Variants in APBB2 observed in about 807,000 individuals in gnomAD.
APBB2 encodes amyloid beta precursor protein binding family B member 2.
Under a neutral mutation model 82.5 loss-of-function variants are expected in APBB2, and 38 were observed. The observed-to-expected ratio is 0.46, with a 90% CI of 0.36 to 0.60. The LOEUF (loss-of-function observed/expected upper bound fraction) is 0.60, where lower values mean the gene tolerates loss of function less well. Ranked by LOEUF, APBB2 falls within the 20% of genes least tolerant of loss-of-function variation. The probability of loss-of-function intolerance (pLI) is 0.00; values close to 1 mark genes in which losing one functional copy is unlikely to be tolerated. For synonymous variants in APBB2, 341 were observed against 368.2 expected, an observed-to-expected ratio of 0.93 and a Z score of 0.85; for missense variants, 772 against 972.3, an observed-to-expected ratio of 0.79 and a Z score of 2.74.
chr4:41,058,206 T>C (rs1368491980), intron 4 of APBB2, among the ~76,000 whole-genome samples: 1 of 150,628 alleles, frequency 6.6e-6, no homozygotes, highest in Non-Finnish European at 1.5e-5. Flanking sequence ...ATCCAGAGCA[T>C]CCAAACAAAA....
chr4:41,014,387 CA>C lies in APBB2; in HGVS notation c.30del (p.Val11LeufsTer39), dbSNP rs1480344059. 6.2e-7 allele frequency: 1 copy of C among 1,613,762 alleles called. No individual in the cohort carries two copies. The highest frequency in any genetic ancestry group is 8.5e-7 in the Non-Finnish European group (1 of 1,179,938). ...GCCATAAACACTGCCAAGGTGTCAA[CA>C]CCTGAGTCAGCTGGGGAAAAAAAAA... MSEVLPADS[G>X]VDTLAVFMAS... On this transcript the variant is annotated frameshift_variant, in exon 6 of 18. Transcript: ENST00000508593. LOFTEE classifies it high-confidence loss of function.
At chr4:41,124,844 T>C (rs1472102254) in intron 2 of APBB2, among the ~76,000 whole-genome samples, 2 of 152,230 alleles carry the variant, frequency 1.3e-5, no homozygotes, top group Non-Finnish European at 2.9e-5. Context: ...TTAGCGTCTC[T>C]TTCCTCACCT....
intron 4 of APBB2, among the ~76,000 whole-genome samples, chr4:41,042,480 CT>C (rs1221534040): frequency 6.6e-6 from 1 of 152,234 alleles, no homozygotes; most frequent in African/African-American, 2.4e-5. Context: ...TCCCTTTCCC[CT>C]GGCTCTGGTC....
intron 5 of APBB2, among the ~76,000 whole-genome samples, chr4:41,015,637 G>A (rs775436747): frequency 5.3e-5 from 8 of 152,122 alleles, no homozygotes; most frequent in Admixed American, 3.3e-4. Flanking sequence ...AGGAAGCAAG[G>A]CAACATCAAT....
intron 1 of APBB2, among the ~76,000 whole-genome samples, chr4:41,180,454 A>C (rs1429624791): frequency 2.0e-5 from 3 of 152,174 alleles, no homozygotes; most frequent in Admixed American, 6.5e-5. Flanking sequence ...AAAAACAAAC[A>C]AACAAACAAA....
At chr4:40,962,116 C>G (rs1793457666) in intron 6 of APBB2, among the ~76,000 whole-genome samples, 1 of 152,060 alleles carries the variant, frequency 6.6e-6, no homozygotes, top group Non-Finnish European at 1.5e-5. Flanking sequence ...TTTTTCTTTC[C>G]CAGCAATGAA....
intron 5 of APBB2, among the ~76,000 whole-genome samples, chr4:41,030,176 G>A (rs1265234654): frequency 6.6e-6 from 1 of 152,010 alleles, no homozygotes; most frequent in Non-Finnish European, 1.5e-5. Context: ...GAAGAGCTGA[G>A]CCGGATCTTG....
At chr4:41,021,442 T>G (rs1016257116) in intron 5 of APBB2, among the ~76,000 whole-genome samples, 5 of 152,002 alleles carry the variant, frequency 3.3e-5, no homozygotes, top group Non-Finnish European at 7.4e-5. Context: ...CAATCAGCAC[T>G]CTGTAAAAAT....
chr4:40,955,813 G>C (rs975224702), intron 6 of APBB2, among the ~76,000 whole-genome samples: 1 of 150,944 alleles, frequency 6.6e-6, no homozygotes, highest in African/African-American at 2.4e-5. Context: ...TTTTGCTCTC[G>C]TTGCCCAGGC....
intron 6 of APBB2, among the ~76,000 whole-genome samples, chr4:40,990,537 A>C (rs1382517808): frequency 6.6e-6 from 1 of 152,182 alleles, no homozygotes; most frequent in African/African-American, 2.4e-5. Context: ...GGCAGGGAGA[A>C]ACTCAGCAAA....
At chr4:40,942,460 AC>A (rs147366622) in intron 7 of APBB2, among the ~76,000 whole-genome samples, 2,446 of 152,184 alleles carry the variant, frequency 0.016, 61 homozygotes, top group African/African-American at 0.043. Context: ...TCCCACCCTA[AC>A]CCCAGCTGAG....
intron 1 of APBB2, among the ~76,000 whole-genome samples, chr4:41,176,433 A>C (rs1421346847): frequency 6.6e-6 from 1 of 152,124 alleles, no homozygotes; most frequent in South Asian, 2.1e-4. Flanking sequence ...GCTGGGTTAC[A>C]TTAGACAGAA....
chr4:41,056,276 G>C (rs1003967657), intron 4 of APBB2, among the ~76,000 whole-genome samples: 3 of 152,140 alleles, frequency 2.0e-5, no homozygotes, highest in African/African-American at 7.2e-5. Context: ...ATTGGCATAT[G>C]CACTCCCCTA....
Position 40,944,740 on chromosome 4 carries a change from AT to A in APBB2, c.1044+124del, listed in dbSNP as rs2154380421. 4.5e-6 allele frequency: 4 copies of A among 887,726 alleles called. No homozygotes were observed. The East Asian group carries it at 9.8e-5, about 22-fold the overall frequency. 55.0% of individuals were successfully genotyped at this position (887,726 alleles called of 1,614,324 possible). On this transcript the variant is annotated intron_variant, in intron 7 of 17. Transcript: ENST00000508593. ...AGAGGAAGCATTACTGAGATTTCAA[AT>A]GCAACATGCACAATAATCAAAAAGC...
rs1395325339 is a variant in APBB2 at position 40,826,828 on chromosome 4, G to A, written c.1732+304C>T. On this transcript the variant is annotated intron_variant, in intron 14 of 17. Transcript: ENST00000508593. This position sits in a 1 kb window ranked among gnomAD's most constrained non-coding sequence, Gnocchi z 4.5. The stretch of plus-strand genomic sequence containing the variant: ...CCAGGTTGTACATGAATTATAATAT[G>A]AAGACAGTATTCTTAAAGAACATAA... The A allele has an allele frequency of 3.8e-6, 1 of 265,530 alleles. No homozygotes were observed. Among genetic ancestry groups the A allele is most frequent in the South Asian group, 5.1e-5 (1 of 19,542 alleles). 16.4% of individuals were successfully genotyped at this position (265,530 alleles called of 1,614,324 possible). A position where few individuals can be genotyped will look rare whatever the true frequency, so the allele number is the denominator to read the frequency against.
chr4:41,202,379 T>C (rs867487783), intron 1 of APBB2, among the ~76,000 whole-genome samples: 1 of 152,190 alleles, frequency 6.6e-6, no homozygotes, highest in African/African-American at 2.4e-5. Context: ...CCAATTAGTT[T>C]GCTTAAAGAA....
chr4:41,018,980 TG>T (rs993134854), intron 5 of APBB2, among the ~76,000 whole-genome samples: 1 of 152,170 alleles, frequency 6.6e-6, no homozygotes, highest in Non-Finnish European at 1.5e-5. Context: ...AATCATCCCT[TG>T]AACAGGGCAG....
intron 3 of APBB2, among the ~76,000 whole-genome samples, chr4:41,093,394 T>C (rs958830778): frequency 6.6e-6 from 1 of 152,192 alleles, no homozygotes; most frequent in Non-Finnish European, 1.5e-5. Flanking sequence ...AAGTTCACAA[T>C]TTTGGCTTCC....
chr4:41,098,947 A>G (rs1207825953), intron 3 of APBB2, among the ~76,000 whole-genome samples: 1 of 152,228 alleles, frequency 6.6e-6, no homozygotes, highest in Non-Finnish European at 1.5e-5. Context: ...TACAACACAC[A>G]ATTACAACAT....
Sources: allele counts gnomAD v4.1 joint callset (sites outside exome capture counted in the v4.1 genomes callset), GRCh38; gene constraint gnomAD v4.1.1; non-coding constraint Gnocchi (gnomAD v3.1); transcripts MANE v1.5; gene names NCBI Gene and HGNC (gene_info 2026-07-23, HGNC 2026-07-21).